DAB1: variants seen among roughly 807,000 people sequenced by gnomAD.
The protein encoded by DAB1 is disabled homolog 1.
DAB1 carries 15 observed loss-of-function variants against 64.6 expected under a neutral mutation model. The observed-to-expected ratio is 0.23, with a 90% confidence interval of 0.16 to 0.36. DAB1 has a LOEUF of 0.36. Among genes scored for constraint, DAB1 ranks in the 10% least tolerant of loss-of-function variants. The pLI is 1.00. For synonymous variants in DAB1, 235 were observed against 251.9 expected, an observed-to-expected ratio of 0.93 and a Z score of 0.64; for missense variants, 596 against 706.7, an observed-to-expected ratio of 0.84 and a Z score of 1.78.
At chr1:57,206,933 TTCTTTCTTTC>T (rs1252594641) in intron 2 of DAB1, among the ~76,000 whole-genome samples, 1 of 148,296 alleles carries the variant, frequency 6.7e-6, no homozygotes, top group Non-Finnish European at 1.5e-5. Context: ...TCTTCTTTTC[TTCTTTCTTTC>T]TCTTTCTCTT....
chr1:58,116,050 A>T (rs1353003048), intron 5 of DAB1, among the ~76,000 whole-genome samples: 3 of 151,934 alleles, frequency 2.0e-5, no homozygotes, highest in African/African-American at 7.2e-5. Context: ...AAAAAAAAAT[A>T]AATAAATTAC....
chr1:57,682,502 A>T (rs1234618652), intron 6 of DAB1, among the ~76,000 whole-genome samples: 1 of 151,584 alleles, frequency 6.6e-6, no homozygotes, highest in Non-Finnish European at 1.5e-5. Flanking sequence ...GAAAGGTGAC[A>T]CTAATGATGA....
At chr1:57,283,790 C>T (rs1427458410) in intron 2 of DAB1, among the ~76,000 whole-genome samples, 2 of 152,180 alleles carry the variant, frequency 1.3e-5, no homozygotes, top group Non-Finnish European at 2.9e-5. Flanking sequence ...GGAAGGAGCT[C>T]CAGCCAGGGA....
intron 1 of DAB1, among the ~76,000 whole-genome samples, chr1:57,397,345 C>T (rs1050318402): frequency 5.9e-5 from 9 of 152,160 alleles, no homozygotes; most frequent in African/African-American, 1.9e-4. Flanking sequence ...ACACTCATCC[C>T]CACCAACAGA....
intron 5 of DAB1, among the ~76,000 whole-genome samples, chr1:58,126,455 C>CT (rs113023484): frequency 0.24 from 34,974 of 146,522 alleles, 4,900 homozygotes; most frequent in East Asian, 0.42. Flanking sequence ...TTCTTTTTTT[C>CT]TTTTTTTTTT....
intron 3 of DAB1, among the ~76,000 whole-genome samples, chr1:58,446,903 G>C (rs706448): frequency 6.6e-6 from 1 of 152,036 alleles, no homozygotes; most frequent in Non-Finnish European, 1.5e-5. Context: ...GCTTGTTTCC[G>C]AAATACTCCT....
At chr1:57,107,409 A>G (rs1327422901) in intron 4 of DAB1, among the ~76,000 whole-genome samples, 4 of 151,654 alleles carry the variant, frequency 2.6e-5, no homozygotes, top group Non-Finnish European at 4.4e-5. Flanking sequence ...CAACCCATCA[A>G]GCATCTCAAC....
At chr1:57,822,691 T>C (rs554734602), downstream of DAB1, among the ~76,000 whole-genome samples, 2 of 152,208 alleles carry the variant, frequency 1.3e-5, no homozygotes, top group Non-Finnish European at 2.9e-5. Context: ...CACCACCCAA[T>C]AGAAATATAA....
chr1:57,659,541 C>G (rs1485247873), intron 6 of DAB1, among the ~76,000 whole-genome samples: 1 of 152,114 alleles, frequency 6.6e-6, no homozygotes, highest in African/African-American at 2.4e-5. Flanking sequence ...TCTGTCATTA[C>G]TTGCTATGTG....
At chr1:58,012,965 T>C (rs1013931324) in intron 5 of DAB1, among the ~76,000 whole-genome samples, 2 of 152,110 alleles carry the variant, frequency 1.3e-5, no homozygotes, top group African/African-American at 4.8e-5. Flanking sequence ...TTAGTCAATA[T>C]AACTTATGAG....
chr1:57,174,500 T>C (rs1662098856), intron 2 of DAB1, among the ~76,000 whole-genome samples: 1 of 152,150 alleles, frequency 6.6e-6, no homozygotes, highest in South Asian at 2.1e-4. Context: ...AACAATAATG[T>C]ATTGATTGGA....
intron 2 of DAB1, among the ~76,000 whole-genome samples, chr1:57,264,178 A>T (rs1239800815): frequency 6.6e-6 from 1 of 152,158 alleles, no homozygotes; most frequent in Non-Finnish European, 1.5e-5. Flanking sequence ...TATGTACCTC[A>T]CATCATAGTA....
At chr1:58,236,714 G>A (rs536039013) in intron 4 of DAB1, among the ~76,000 whole-genome samples, 11 of 152,166 alleles carry the variant, frequency 7.2e-5, no homozygotes, top group Non-Finnish European at 1.5e-4. Context: ...CAGTTCTATA[G>A]AGAACGGCCC....
At chr1:57,940,574 T>C (rs979608465) in intron 5 of DAB1, among the ~76,000 whole-genome samples, 2 of 152,228 alleles carry the variant, frequency 1.3e-5, no homozygotes, top group Non-Finnish European at 2.9e-5. Context: ...CTGAAGATCT[T>C]GTTAACAGGC....
chr1:57,104,174 C>T (rs6587764), intron 4 of DAB1, among the ~76,000 whole-genome samples: 79,641 of 151,628 alleles, frequency 0.53, 21,414 homozygotes, highest in Middle Eastern at 0.73. Flanking sequence ...CATATGAAAA[C>T]CATAGTTTAG....
chr1:57,334,696 C>T (rs1216725694), intron 1 of DAB1, among the ~76,000 whole-genome samples: 2 of 152,160 alleles, frequency 1.3e-5, no homozygotes, highest in African/African-American at 2.4e-5. Context: ...TTAAGCTTTA[C>T]GTATGGTAAC....
chr1:57,372,463 T>C (rs927208094), intron 1 of DAB1, among the ~76,000 whole-genome samples: 3 of 152,228 alleles, frequency 2.0e-5, no homozygotes, highest in African/African-American at 4.8e-5. Flanking sequence ...TTTAGCACTT[T>C]GGAGCCTGCA....
chr1:58,135,382 T>C (rs897682117), intron 5 of DAB1, among the ~76,000 whole-genome samples: 4 of 152,044 alleles, frequency 2.6e-5, no homozygotes, highest in African/African-American at 7.2e-5. Context: ...AATGGGGAGA[T>C]TTCTTTACTG....
intron 2 of DAB1, among the ~76,000 whole-genome samples, chr1:57,190,445 G>C (rs1664026138): frequency 6.6e-6 from 1 of 152,108 alleles, no homozygotes; most frequent in African/African-American, 2.4e-5. Context: ...GAAGTGACCT[G>C]GTCATGATGA....
Sources: allele counts gnomAD v4.1 joint callset (sites outside exome capture counted in the v4.1 genomes callset), GRCh38; gene constraint gnomAD v4.1.1; transcripts MANE v1.5; gene names NCBI Gene and HGNC (gene_info 2026-07-23, HGNC 2026-07-21).